The following ZNF423 variants were observed in gnomAD, a reference collection of about 807,000 sequenced individuals.
The protein encoded by ZNF423 is zinc finger protein 423, also known as Ebf-associated zinc finger protein.
Under a neutral mutation model 95.8 loss-of-function variants are expected in ZNF423, and 12 were observed. The observed-to-expected ratio is 0.13, with a 90% confidence interval of 0.08 to 0.20. The LOEUF (loss-of-function observed/expected upper bound fraction) is 0.20. Among genes scored for constraint, ZNF423 ranks in the 10% least tolerant of loss-of-function variants. ZNF423 has a pLI of 1.00. For synonymous variants in ZNF423, 749 were observed against 711.9 expected (o/e 1.05, Z -0.83); for missense variants, 1,316 against 1,737.1 (o/e 0.76, Z 4.31).
At chr16:49,552,653 G>C (rs111295887) in intron 5 of ZNF423, among the ~76,000 whole-genome samples, 111 of 152,270 alleles carry the variant, frequency 7.3e-4, no homozygotes, top group African/African-American at 2.5e-3. Flanking sequence ...AAGCACGTCA[G>C]TCTGCATTTG....
chr16:49,791,065 G>A (rs1335599036), intron 1 of ZNF423, among the ~76,000 whole-genome samples: 1 of 152,144 alleles, frequency 6.6e-6, no homozygotes, highest in Non-Finnish European at 1.5e-5. Context: ...CACAGAATGG[G>A]TTTCTCTGAA....
At chr16:49,614,249 A>G (rs1317066080) in intron 5 of ZNF423, among the ~76,000 whole-genome samples, 1 of 152,262 alleles carries the variant, frequency 6.6e-6, no homozygotes, top group Non-Finnish European at 1.5e-5. Context: ...ACAATGAGAT[A>G]TCACAATGCA....
At chr16:49,533,028 C>T (rs542829253) in intron 5 of ZNF423, among the ~76,000 whole-genome samples, 3 of 152,310 alleles carry the variant, frequency 2.0e-5, no homozygotes, top group South Asian at 2.1e-4. Flanking sequence ...CCTGCAGCCT[C>T]GCCCTTCATC....
At chr16:49,616,496 CAAAG>C (rs1329138064) in intron 5 of ZNF423, among the ~76,000 whole-genome samples, 1 of 151,638 alleles carries the variant, frequency 6.6e-6, no homozygotes, top group Non-Finnish European at 1.5e-5. Flanking sequence ...GTTTGTAGCA[CAAAG>C]AAAGAATAAA....
At chr16:49,666,969 G>A (rs913730111) in intron 3 of ZNF423, among the ~76,000 whole-genome samples, 5 of 152,138 alleles carry the variant, frequency 3.3e-5, no homozygotes, top group African/African-American at 7.2e-5. Flanking sequence ...CCCCATCACC[G>A]ACTCCATCAC....
At chr16:49,658,830 A>T (rs1012731416) in intron 3 of ZNF423, among the ~76,000 whole-genome samples, 3 of 152,146 alleles carry the variant, frequency 2.0e-5, no homozygotes, top group African/African-American at 7.2e-5. Context: ...CTTTCCCAGC[A>T]TCGCTGACTC....
intron 5 of ZNF423, among the ~76,000 whole-genome samples, chr16:49,597,182 G>C (rs1041137378): frequency 1.3e-5 from 2 of 152,064 alleles, no homozygotes; most frequent in African/African-American, 4.8e-5. Flanking sequence ...TGTTCCCCAA[G>C]AGCCTGCTCC....
chr16:49,725,773 G>A (rs1468454258), intron 3 of ZNF423, among the ~76,000 whole-genome samples: 1 of 152,172 alleles, frequency 6.6e-6, no homozygotes, highest in Non-Finnish European at 1.5e-5. Context: ...GCAGTGTGGA[G>A]GAGGCAACAC....
chr16:49,796,005 T>C (rs957689469), intron 1 of ZNF423, among the ~76,000 whole-genome samples: 1 of 152,140 alleles, frequency 6.6e-6, no homozygotes, highest in African/African-American at 2.4e-5. Flanking sequence ...CAGCTCTCAC[T>C]ATTAACCATG....
At chr16:49,682,171 G>A (rs765805233) in intron 3 of ZNF423, among the ~76,000 whole-genome samples, 4 of 151,934 alleles carry the variant, frequency 2.6e-5, no homozygotes, top group Non-Finnish European at 5.9e-5. Context: ...CTCTCCCAGA[G>A]GGTCTGTCCT....
At chr16:49,670,961 C>T (rs534342492) in intron 3 of ZNF423, among the ~76,000 whole-genome samples, 4 of 152,292 alleles carry the variant, frequency 2.6e-5, no homozygotes, top group African/African-American at 4.8e-5. Flanking sequence ...AGGCCAGCAA[C>T]GCCAGGGGAC....
intron 3 of ZNF423, among the ~76,000 whole-genome samples, chr16:49,700,212 A>G (rs149368697): frequency 0.022 from 2,860 of 129,364 alleles, 134 homozygotes; most frequent in African/African-American, 0.083. Context: ...AAAAAAAAAA[A>G]AAAAACAAGA....
intron 5 of ZNF423, among the ~76,000 whole-genome samples, chr16:49,620,995 C>T (rs1194655451): frequency 6.6e-6 from 1 of 152,182 alleles, no homozygotes; most frequent in Non-Finnish European, 1.5e-5. Context: ...TCCTCTGGGC[C>T]AAGCCCCCCA....
upstream of ZNF423, among the ~76,000 whole-genome samples, chr16:49,856,427 G>GAAAA (rs550708499): frequency 8.2e-6 from 1 of 121,676 alleles, no homozygotes; most frequent in African/African-American, 3.1e-5. Context: ...TACCCCCCAG[G>GAAAA]AAAAAAAAAA....
At chr16:49,538,591 C>T (rs1383584844) in intron 5 of ZNF423, among the ~76,000 whole-genome samples, 1 of 152,174 alleles carries the variant, frequency 6.6e-6, no homozygotes, top group Non-Finnish European at 1.5e-5. Context: ...TGCAAAGCTG[C>T]ACTCTTCTGC....
At chr16:49,613,436 T>C (rs568814225) in intron 5 of ZNF423, among the ~76,000 whole-genome samples, 4 of 152,378 alleles carry the variant, frequency 2.6e-5, no homozygotes, top group African/African-American at 9.6e-5. Context: ...CTCATGCCTG[T>C]AATCCCAGTG....
rs2035326147 is a variant in ZNF423 at position 49,853,657 on chromosome 16, C to T, written c.40+2078G>A. The T allele has an allele frequency of 6.1e-6, 6 of 985,248 alleles. No individual in the cohort carries two copies. The South Asian group carries it at 2.3e-4, about 39-fold the overall frequency. 61.0% of individuals were successfully genotyped at this position (985,248 alleles called of 1,614,324 possible). On this transcript the variant is annotated intron_variant, in intron 1 of 7. Transcript: ENST00000563137. Reference sequence around the variant, plus strand: ...TGTCTGCTACACATACACACATACACATTTGAGAGAGGCACTCACTAAAAA... The same window carrying T: ...TGTCTGCTACACATACACACATACATATTTGAGAGAGGCACTCACTAAAAA...
chr16:49,635,775 C>T lies in ZNF423; in HGVS notation c.3401G>A (p.Ser1134Asn). Residue 1134 changes from serine (S) to asparagine (N), a missense_variant, in exon 4 of 8, where the codon AGT (serine) becomes AAT (asparagine). Physicochemically the swap from Ser to Asn is conservative, Grantham distance 46. Coordinates refer to ENST00000563137, the MANE Select transcript of ZNF423 (RefSeq NM_001379286.1). This position sits in a 1 kb window ranked among gnomAD's most constrained non-coding sequence, Gnocchi z 4.8. Reference sequence around the variant, plus strand: ...GTCTTCGGCACTCTCAAACTTGACACTGCACTCGGGGCAACGGAGGCCGGC... The same window carrying T: ...GTCTTCGGCACTCTCAAACTTGACATTGCACTCGGGGCAACGGAGGCCGGC... ...PCAGLRCPEC[S>N]VKFESAEDLE... 6.2e-7 allele frequency: 1 copy of T among 1,612,882 alleles called. No individual in the cohort carries two copies. The highest frequency in any genetic ancestry group is 8.5e-7 in the Non-Finnish European group (1 of 1,179,862).
At chr16:49,733,254 A>T (rs1418584929) in intron 2 of ZNF423, among the ~76,000 whole-genome samples, 1 of 152,236 alleles carries the variant, frequency 6.6e-6, no homozygotes, top group African/African-American at 2.4e-5. Flanking sequence ...TAAAAGAGCC[A>T]TAATTCTGGC....
Sources: gnomAD v4.1 joint callset for allele counts (sites outside exome capture counted in the v4.1 genomes callset) on GRCh38, gnomAD v4.1.1 for gene constraint, Gnocchi (gnomAD v3.1) non-coding constraint, MANE v1.5 for transcripts, NCBI Gene and HGNC (gene_info 2026-07-23, HGNC 2026-07-21) for gene names.